ANKRD12: variants seen among roughly 807,000 people sequenced by gnomAD.
The protein encoded by ANKRD12 is ankyrin repeat domain 12, also known as ankyrin repeat domain-containing protein 12.
Under a neutral mutation model 183.4 loss-of-function variants are expected in ANKRD12, and 85 were observed. The observed-to-expected ratio is 0.46, with a 90% CI of 0.39 to 0.56. The LOEUF (loss-of-function observed/expected upper bound fraction) is 0.56, where lower values mean the gene tolerates loss of function less well. ANKRD12 is among the 20% of genes least tolerant of loss of function. The probability of loss-of-function intolerance (pLI) is 0.00; values close to 1 mark genes in which losing one functional copy is unlikely to be tolerated. For missense variants in ANKRD12, 2,405 were observed against 2,357.1 expected (o/e 1.02, Z -0.42); for synonymous variants, 914 against 800.2 (o/e 1.14, Z -2.40).
In ANKRD12 at chr18:9,284,718, AAGT is replaced by A. The variant is rs775731721; in HGVS notation, c.*3595_*3597del. 1 of 152,166 alleles carries A rather than the reference AAGT, an allele frequency of 6.6e-6. No individual in the cohort carries two copies. Among genetic ancestry groups the A allele is most frequent in the Non-Finnish European group, 1.5e-5 (1 of 68,030 alleles). 9.4% of individuals were successfully genotyped at this position (152,166 alleles called of 1,614,324 possible). ...CACCCAAAGTATTTCCAGTCAGTAAAAGTAGAATTCATAGAAAAAACTGAGGCA... is the reference window on the plus strand; with the variant it reads ...CACCCAAAGTATTTCCAGTCAGTAAAAGAATTCATAGAAAAAACTGAGGCA... On this transcript the variant is annotated 3_prime_UTR_variant, in exon 13 of 13. Transcript: ENST00000262126.
intron 10 of ANKRD12, among the ~76,000 whole-genome samples, chr18:9,271,991 A>T (rs898891420): frequency 1.3e-5 from 2 of 152,144 alleles, no homozygotes; most frequent in Admixed American, 6.5e-5. Context: ...TGAATGCTAT[A>T]CTAAATGAAC....
rs1273297264 is a variant in ANKRD12, at chr18:9,285,697, C to T, written c.*4571C>T. 1.3e-5 allele frequency: 2 copies of T among 152,168 alleles called. 1 individual carries two copies. The highest frequency in any genetic ancestry group is 2.9e-5 in the Non-Finnish European group (2 of 68,034). The allele number at this position is 152,168 out of a possible 1,614,324, so 9.4% of individuals were successfully genotyped here. On this transcript the variant is annotated 3_prime_UTR_variant, in exon 13 of 13. Coordinates refer to ENST00000262126, the MANE Select transcript of ANKRD12 (RefSeq NM_015208.5). ...CTCTAGAAAGTTCACTCATGCCTCT[C>T]TCCAGTCACTACCCCTGAGGCAGCC...
At chr18:9,264,778 G>C (rs2039183495) in intron 10 of ANKRD12, among the ~76,000 whole-genome samples, 1 of 152,122 alleles carries the variant, frequency 6.6e-6, no homozygotes, top group African/African-American at 2.4e-5. Context: ...TAAGACGTTT[G>C]AAACCACCTA....
chr18:9,155,675 T>C (rs76893572), intron 1 of ANKRD12, among the ~76,000 whole-genome samples: 2,768 of 152,338 alleles, frequency 0.018, 89 homozygotes, highest in African/African-American at 0.063. Flanking sequence ...CATTATTTTA[T>C]AGTTTCAAAA....
At chr18:9,178,321 T>TTCTCTC (rs1555612825) in intron 1 of ANKRD12, among the ~76,000 whole-genome samples, 19 of 69,030 alleles carry the variant, frequency 2.8e-4, no homozygotes, top group Non-Finnish European at 2.7e-4. Context: ...AGGATCAAGA[T>TTCTCTC]TCTCTCTCTC....
Position 9,226,743 on chromosome 18 carries a change from A to T in ANKRD12, c.943+4744A>T, listed in dbSNP as rs142543966. Among the ~76,000 whole-genome samples the T allele has an allele frequency of 7.6e-3, 1,151 of 152,300 alleles. 23 individuals are homozygous for T. The highest frequency in any genetic ancestry group is 0.026 in the African/African-American group (1,089 of 41,556). On this transcript the variant is annotated intron_variant, in intron 8 of 12. Transcript: ENST00000262126. ...AGGAGATATGGCCATATCTGCCTCCAGATGTGATACCTAAAAGGGATATAA... is the reference window on the plus strand; with the variant it reads ...AGGAGATATGGCCATATCTGCCTCCTGATGTGATACCTAAAAGGGATATAA...
chr18:9,186,079 T>C lies in ANKRD12; in HGVS notation c.87+3560T>C, dbSNP rs115445164. Reference sequence around the variant, plus strand: ...ATTGTTCCTATGTACTTTTCATGTATCTTTTGAAAGTTGTCACGAAATAAG... The same window carrying C: ...ATTGTTCCTATGTACTTTTCATGTACCTTTTGAAAGTTGTCACGAAATAAG... On this transcript the variant is annotated intron_variant, in intron 2 of 12. Coordinates refer to ENST00000262126, the MANE Select transcript of ANKRD12 (RefSeq NM_015208.5). Among the ~76,000 whole-genome samples the C allele has an allele frequency of 5.6e-3, 851 of 152,244 alleles. 4 individuals carry two copies. The highest frequency in any genetic ancestry group is 0.02 in the African/African-American group (817 of 41,542).
At chr18:9,173,228 C>G (rs961810965) in intron 1 of ANKRD12, among the ~76,000 whole-genome samples, 2 of 152,052 alleles carry the variant, frequency 1.3e-5, no homozygotes, top group Non-Finnish European at 2.9e-5. Flanking sequence ...TGCCACCATG[C>G]CTGGCTAATT....
In ANKRD12 at chr18:9,285,475, T is replaced by C. The variant is rs2040200861; in HGVS notation, c.*4349T>C. On this transcript the variant is annotated 3_prime_UTR_variant, in exon 13 of 13. Coordinates refer to ENST00000262126, the MANE Select transcript of ANKRD12 (RefSeq NM_015208.5). Reference sequence around the variant, plus strand: ...AGTATATCACATATGTAGCATGTGTTTACAAGTTTAAAAGGCACCACCTAT... The same window carrying C: ...AGTATATCACATATGTAGCATGTGTCTACAAGTTTAAAAGGCACCACCTAT... 1 of 151,648 alleles carries C rather than the reference T, an allele frequency of 6.6e-6. No homozygotes were observed. Among genetic ancestry groups the C allele is most frequent in the Admixed American group, 6.6e-5 (1 of 15,196 alleles). 9.4% of individuals were successfully genotyped at this position (151,648 alleles called of 1,614,324 possible).
chr18:9,256,619 C>G lies in ANKRD12; in HGVS notation c.3352C>G (p.Leu1118Val). 1 of 1,604,354 alleles carries G rather than the reference C, an allele frequency of 6.2e-7. No homozygotes were observed. Residue 1118 changes from leucine to valine, a missense_variant, in exon 9 of 13, where the codon CTT becomes GTT. By Grantham distance (32) the Leu-to-Val change is conservative. Coordinates refer to ENST00000262126, the MANE Select transcript of ANKRD12 (RefSeq NM_015208.5). Reference protein sequence around the residue: ...ERLRNRNCLELKIKDKEKTKH... With the variant: ...ERLRNRNCLEVKIKDKEKTKH... ...GTTGAGAAACCGAAACTGTTTAGAA[C>G]TTAAAATAAAAGATAAAGAAAAAAC...
chr18:9,284,845 A>C lies in ANKRD12; in HGVS notation c.*3719A>C, dbSNP rs964549730. On this transcript the variant is annotated 3_prime_UTR_variant, in exon 13 of 13. Transcript: ENST00000262126. ...ACTAAAAAAATGGTTGGGTTTTCCC[A>C]GTGGTTAAATGCTATATAATAACTG... 5 of 152,280 alleles carry C rather than the reference A, an allele frequency of 3.3e-5. No individual in the cohort carries two copies. 9.4% of individuals were successfully genotyped at this position (152,280 alleles called of 1,614,324 possible).
chr18:9,151,810 G>A (rs1334038607), intron 1 of ANKRD12, among the ~76,000 whole-genome samples: 1 of 152,208 alleles, frequency 6.6e-6, no homozygotes, highest in Non-Finnish European at 1.5e-5. Context: ...TACAAAGTGG[G>A]TGGTAAATTT....
intron 3 of ANKRD12, among the ~76,000 whole-genome samples, chr18:9,196,686 T>C (rs1265774767): frequency 6.6e-6 from 1 of 152,216 alleles, no homozygotes; most frequent in Non-Finnish European, 1.5e-5. Context: ...CCAGGTCTCC[T>C]TTTGTGTATT....
At chr18:9,180,650 C>T (rs911122012) in intron 1 of ANKRD12, among the ~76,000 whole-genome samples, 1 of 152,042 alleles carries the variant, frequency 6.6e-6, no homozygotes, top group African/African-American at 2.4e-5. Context: ...ATCTTGCACC[C>T]AGAAGCTAAC....
At chr18:9,268,782 CAGG>C (rs2039440128) in intron 10 of ANKRD12, among the ~76,000 whole-genome samples, 1 of 152,112 alleles carries the variant, frequency 6.6e-6, no homozygotes, top group African/African-American at 2.4e-5. Flanking sequence ...GGCAATCAGG[CAGG>C]AGAAGGAAAT....
intron 9 of ANKRD12, among the ~76,000 whole-genome samples, chr18:9,261,908 C>T (rs1016947605): frequency 1.3e-5 from 2 of 152,174 alleles, no homozygotes; most frequent in Admixed American, 6.5e-5. Context: ...CTTGAAATAA[C>T]TAGAGGCCTA....
intron 1 of ANKRD12, among the ~76,000 whole-genome samples, chr18:9,177,122 G>A (rs2033334231): frequency 6.6e-6 from 1 of 151,840 alleles, no homozygotes; most frequent in African/African-American, 2.4e-5. Flanking sequence ...GCTTAAACAG[G>A]AAAGTAGCCC....
Position 9,257,902 on chromosome 18 carries a change from A to C in ANKRD12, c.4635A>C (p.Thr1545=), listed in dbSNP as rs1375329792. 6.2e-7 allele frequency: 1 copy of C among 1,613,884 alleles called. No individual in the cohort carries two copies. The highest frequency in any genetic ancestry group is 8.5e-7 in the Non-Finnish European group (1 of 1,179,874). The change falls in exon 9 of 13, where the codon ACA becomes ACC. Residue 1545 remains threonine (T), a synonymous_variant. Coordinates refer to ENST00000262126, the MANE Select transcript of ANKRD12 (RefSeq NM_015208.5). ...LDTDNESTKD[T]ENTFVLGDVQ... is the part of the protein sequence containing the mutation. ...CTGATAATGAATCTACAAAAGATAC[A>C]GAAAATACTTTTGTCCTAGGAGATG... is the stretch of plus-strand genomic sequence containing the variant.
chr18:9,268,895 C>T (rs2039446776), intron 10 of ANKRD12, among the ~76,000 whole-genome samples: 1 of 152,192 alleles, frequency 6.6e-6, no homozygotes, highest in Non-Finnish European at 1.5e-5. Flanking sequence ...CCCCAAATCT[C>T]CTTAAGCTGA....
Sources: allele counts gnomAD v4.1 joint callset (sites outside exome capture counted in the v4.1 genomes callset), GRCh38; gene constraint gnomAD v4.1.1; transcripts MANE v1.5; gene names NCBI Gene and HGNC (gene_info 2026-07-23, HGNC 2026-07-21).